DAPK1: variants seen among roughly 807,000 people sequenced by gnomAD.
DAPK1 encodes the protein death-associated protein kinase 1.
A neutral mutation model predicts 144.9 loss-of-function variants in DAPK1; 56 were observed. The observed-to-expected ratio is 0.39, with a 90% CI of 0.31 to 0.48. The LOEUF (loss-of-function observed/expected upper bound fraction) is 0.48. Among genes scored for constraint, DAPK1 ranks in the 20% least tolerant of loss-of-function variants. DAPK1 has a pLI of 0.95. For missense variants in DAPK1, 1,454 were observed against 1,875.4 expected (o/e 0.78, Z 4.15); for synonymous variants, 690 against 749.0 (o/e 0.92, Z 1.29).
intron 2 of DAPK1, among the ~76,000 whole-genome samples, chr9:87,508,508 A>G (rs561859458): frequency 6.6e-6 from 1 of 151,752 alleles, no homozygotes; most frequent in African/African-American, 2.4e-5. Flanking sequence ...ACACCTGGCT[A>G]ATTTTTGGTA....
intron 2 of DAPK1, among the ~76,000 whole-genome samples, chr9:87,561,389 T>G (rs879762862): frequency 4.0e-5 from 6 of 151,802 alleles, no homozygotes; most frequent in East Asian, 1.9e-4. Flanking sequence ...AGCCGGGCGT[T>G]GTGGCGGGCG....
intron 19 of DAPK1, among the ~76,000 whole-genome samples, chr9:87,669,343 TGG>T (rs10577481): frequency 0.33 from 46,068 of 140,848 alleles, 7,592 homozygotes; most frequent in East Asian, 0.54. Context: ...TTGCTTGGGG[TGG>T]GGGGGGGTCA....
chr9:87,515,532 G>A (rs1297476153), intron 2 of DAPK1, among the ~76,000 whole-genome samples: 2 of 152,160 alleles, frequency 1.3e-5, no homozygotes, highest in East Asian at 1.9e-4. Context: ...GGCACTGGGG[G>A]TCAGTGGTGG....
chr9:87,633,428 G>T, intron 3 of DAPK1: 1 of 973,976 alleles, frequency 1.0e-6, no homozygotes. Flanking sequence ...GTGGGATAGG[G>T]ACTCTCCTAA....
At position 87,643,281 on chromosome 9, in the gene DAPK1, C is replaced by T. The variant is rs530110857; in HGVS notation, c.919-95C>T. ...TCTCGCAGGCTTTGTCGTTTGTACTCATTTGACAATTGTTACATAAGCTGT... is the reference window on the plus strand; with the variant it reads ...TCTCGCAGGCTTTGTCGTTTGTACTTATTTGACAATTGTTACATAAGCTGT... On this transcript the variant is annotated intron_variant, in intron 10 of 25. Coordinates refer to ENST00000408954, the MANE Select transcript of DAPK1 (RefSeq NM_004938.4). 55 of 702,262 alleles carry T rather than the reference C, an allele frequency of 7.8e-5. 1 individual carries two copies. In the South Asian group the frequency reaches 1.0e-3, roughly 13 times the overall value. 43.5% of individuals were successfully genotyped at this position (702,262 alleles called of 1,614,324 possible).
Position 87,681,386 on chromosome 9 carries a change from T to C in DAPK1, c.2002-18T>C. 7.0e-7 allele frequency: 1 copy of C among 1,428,792 alleles called. No individual in the cohort carries two copies. The highest frequency in any genetic ancestry group is 9.9e-7 in the Non-Finnish European group (1 of 1,014,342). 88.5% of individuals were successfully genotyped at this position (1,428,792 alleles called of 1,614,324 possible). The stretch of plus-strand genomic sequence containing the variant: ...CTCTTTTTCTGTCACTCACTGGCTC[T>C]TTCTCATCCATGCTCAGGATACGCA... On this transcript the variant is annotated intron_variant, in intron 19 of 25. Coordinates refer to ENST00000408954, the MANE Select transcript of DAPK1 (RefSeq NM_004938.4).
chr9:87,562,727 C>G (rs10780859), intron 2 of DAPK1, among the ~76,000 whole-genome samples: 95,306 of 152,102 alleles, frequency 0.63, 30,417 homozygotes, highest in African/African-American at 0.72. Context: ...TAATTTAAAG[C>G]ACACTGTCCA....
At chr9:87,615,407 G>A (rs776716566) in intron 3 of DAPK1, among the ~76,000 whole-genome samples, 3 of 152,216 alleles carry the variant, frequency 2.0e-5, no homozygotes, top group African/African-American at 4.8e-5. Flanking sequence ...GGCAGTGACC[G>A]AGCATGGCTA....
intron 3 of DAPK1, among the ~76,000 whole-genome samples, chr9:87,627,421 G>T (rs373793875): frequency 2.6e-5 from 4 of 152,090 alleles, no homozygotes; most frequent in African/African-American, 9.7e-5. Context: ...CTTATAAATC[G>T]CAGGGTTCTT....
intron 2 of DAPK1, among the ~76,000 whole-genome samples, chr9:87,531,166 A>G (rs1825685966): frequency 6.6e-6 from 1 of 152,172 alleles, no homozygotes; most frequent in East Asian, 1.9e-4. Flanking sequence ...TGTTGCACGC[A>G]GTGGGCTCAG....
chr9:87,567,188 G>A (rs947575059), intron 2 of DAPK1, among the ~76,000 whole-genome samples: 1 of 152,172 alleles, frequency 6.6e-6, no homozygotes, highest in African/African-American at 2.4e-5. Context: ...GAAATGCTTG[G>A]CCTCTCCTCC....
At chr9:87,507,253 C>T (rs1824637487) in intron 2 of DAPK1, among the ~76,000 whole-genome samples, 1 of 152,180 alleles carries the variant, frequency 6.6e-6, no homozygotes, top group Admixed American at 6.5e-5. Flanking sequence ...GCTCTTGTTG[C>T]CCTGGCTGGA....
intron 15 of DAPK1, among the ~76,000 whole-genome samples, chr9:87,649,653 T>C (rs1400080420): frequency 2.0e-5 from 3 of 152,184 alleles, no homozygotes; most frequent in Admixed American, 6.5e-5. Flanking sequence ...AGTCATATGC[T>C]TGAGAAAGCC....
rs1824871909 is a variant in DAPK1 at position 87,686,684 on chromosome 9, C to T, written c.2358C>T (p.Cys786=). The T allele has an allele frequency of 1.2e-6, 2 of 1,613,120 alleles. No individual in the cohort carries two copies. The highest frequency in any genetic ancestry group is 8.5e-7 in the Non-Finnish European group (1 of 1,179,282). ...VFVAPTHHPH[C]SADDQSTKAI... is the part of the protein sequence containing the mutation. ...TGGCCCCGACCCACCACCCGCACTG[C>T]TCGGCCGATGACCAGTCCACCAAGG... Residue 786 remains cysteine (C), a synonymous_variant, in exon 21 of 26, where the codon TGC becomes TGT. Coordinates refer to ENST00000408954, the MANE Select transcript of DAPK1 (RefSeq NM_004938.4). The surrounding 1 kb of genome is among the most constrained non-coding windows in gnomAD (Gnocchi z 4.2).
intron 11 of DAPK1, among the ~76,000 whole-genome samples, chr9:87,643,809 AT>A (rs1293604562): frequency 2.6e-5 from 4 of 152,180 alleles, no homozygotes; most frequent in African/African-American, 9.6e-5. Context: ...ACGCACTGAT[AT>A]TTTGGTAAAA....
chr9:87,639,577 C>T lies in DAPK1; in HGVS notation c.554-73C>T, dbSNP rs187663545. The T allele has an allele frequency of 2.3e-3, 3,764 of 1,610,364 alleles. 4 individuals carry two copies. Among genetic ancestry groups the T allele is most frequent in the Non-Finnish European group, 2.8e-3 (3,241 of 1,176,830 alleles). On this transcript the variant is annotated intron_variant, in intron 5 of 25. Transcript: ENST00000408954. Reference sequence around the variant, plus strand: ...AAGATTCTTTCCCTGCTACATGTTCCTGGTTGTTGCATGAAGATAGAATCG... The same window carrying T: ...AAGATTCTTTCCCTGCTACATGTTCTTGGTTGTTGCATGAAGATAGAATCG...
intron 2 of DAPK1, among the ~76,000 whole-genome samples, chr9:87,513,812 G>A (rs76876379): frequency 0.022 from 3,275 of 152,254 alleles, 121 homozygotes; most frequent in African/African-American, 0.069. Flanking sequence ...CTCATACGAT[G>A]TGTTCAATGC....
At chr9:87,522,272 C>CA (rs1373753343) in intron 2 of DAPK1, among the ~76,000 whole-genome samples, 1 of 152,198 alleles carries the variant, frequency 6.6e-6, no homozygotes, top group Non-Finnish European at 1.5e-5. Flanking sequence ...AATACATTCA[C>CA]ACAGTTCGAA....
chr9:87,650,285 T>A, intron 16 of DAPK1, 167 bp downstream of exon 16: 2 of 619,234 alleles, frequency 3.2e-6, no homozygotes, highest in South Asian at 4.0e-5. Context: ...TTCTATATTG[T>A]ATTTAATAGT....
Sources: gnomAD v4.1 joint callset for allele counts (sites outside exome capture counted in the v4.1 genomes callset) on GRCh38, gnomAD v4.1.1 for gene constraint, Gnocchi (gnomAD v3.1) non-coding constraint, MANE v1.5 for transcripts, NCBI Gene and HGNC (gene_info 2026-07-23, HGNC 2026-07-21) for gene names.